The following ARID3A variants were observed in gnomAD, a reference collection of about 807,000 sequenced individuals.
The protein encoded by ARID3A is AT-rich interaction domain 3A.
A neutral mutation model predicts 52.7 loss-of-function variants in ARID3A; 11 were observed. The ratio of observed to expected loss-of-function variants is 0.21; its 90% CI spans 0.13 to 0.35. ARID3A has a LOEUF of 0.35. Among genes scored for constraint, ARID3A ranks in the 10% least tolerant of loss-of-function variants. The pLI, the probability that ARID3A is intolerant of heterozygous loss-of-function variation, is 1.00. For missense variants in ARID3A, 721 were observed against 838.5 expected, an observed-to-expected ratio of 0.86 and a Z score of 1.73; for synonymous variants, 404 against 359.4, an observed-to-expected ratio of 1.12 and a Z score of -1.40.
chr19:947,158 G>C lies in ARID3A; in HGVS notation c.694-12934G>C, dbSNP rs1323624797. Among the ~76,000 whole-genome samples, 1 of 152,198 alleles carries C rather than the reference G, an allele frequency of 6.6e-6. No homozygotes were observed. Among genetic ancestry groups the C allele is most frequent in the African/African-American group, 2.4e-5 (1 of 41,494 alleles). On this transcript the variant is annotated intron_variant, in intron 3 of 8. Transcript: ENST00000263620. This position sits in a 1 kb window ranked among gnomAD's most constrained non-coding sequence, Gnocchi z 6.3. ...CCCCATTGCTGGGCACCGTGGGGTGGGGTGTGTCTGTGTGTGGCCTGGGGC... is the reference window on the plus strand; with the variant it reads ...CCCCATTGCTGGGCACCGTGGGGTGCGGTGTGTCTGTGTGTGGCCTGGGGC...
At chr19:926,509 A>G (rs1426977975) in intron 1 of ARID3A, among the ~76,000 whole-genome samples, 2 of 151,154 alleles carry the variant, frequency 1.3e-5, no homozygotes, top group Non-Finnish European at 3.0e-5. Flanking sequence ...CTGCACCCCG[A>G]TATTTTATTT....
chr19:973,484 C>G lies in ARID3A; in HGVS notation c.*1419C>G, dbSNP rs894131803. 2.3e-5 allele frequency: 5 copies of G among 215,080 alleles called. No individual in the cohort carries two copies. The highest frequency in any genetic ancestry group is 4.5e-5 in the African/African-American group (2 of 44,128). The allele number at this position is 215,080 out of a possible 1,614,324, so 13.3% of individuals were successfully genotyped here. On this transcript the variant is annotated 3_prime_UTR_variant, in exon 9 of 9. Transcript: ENST00000263620. ...CCTGGGGGGCGGGGGTGGTTCTTGT[C>G]GAAGCCCCCAGGCTCCTGTCTCAGG...
At chr19:967,130 A>G (rs993163011) in intron 7 of ARID3A, among the ~76,000 whole-genome samples, 2 of 152,044 alleles carry the variant, frequency 1.3e-5, no homozygotes, top group African/African-American at 2.4e-5. Flanking sequence ...GTGGCAGCGC[A>G]CCCCTGTAGT....
Position 941,902 on chromosome 19 carries a change from C to T in ARID3A, c.693+9160C>T, listed in dbSNP as rs1356824837. The stretch of plus-strand genomic sequence containing the variant: ...TGCTTGGGCTCGCCACGTGTGCGCA[C>T]GTGTGCCCGTGACAGACGACCTTCC... On this transcript the variant is annotated intron_variant, in intron 3 of 8. Transcript: ENST00000263620. This position sits in a 1 kb window ranked among gnomAD's most constrained non-coding sequence, Gnocchi z 6.9. Among the ~76,000 whole-genome samples the T allele has an allele frequency of 6.6e-6, 1 of 151,976 alleles. No homozygotes were observed. The highest frequency in any genetic ancestry group is 1.5e-5 in the Non-Finnish European group (1 of 68,002).
At chr19:969,832 G>A (rs1203818052) in intron 8 of ARID3A, among the ~76,000 whole-genome samples, 2 of 149,716 alleles carry the variant, frequency 1.3e-5, no homozygotes, top group Non-Finnish European at 2.9e-5. Context: ...GGGACTACAG[G>A]CGTGTGTCAC....
chr19:960,287 C>T lies in ARID3A; in HGVS notation c.766+123C>T, dbSNP rs890983419. ...ACCCCGTGGCTGGAGGCATCCAAGG[C>T]TCCTAAATCGGGAGGGACTTCAGGG... On this transcript the variant is annotated intron_variant, in intron 4 of 8. Transcript: ENST00000263620. This position sits in a 1 kb window ranked among gnomAD's most constrained non-coding sequence, Gnocchi z 4.3. 2 of 830,056 alleles carry T rather than the reference C, an allele frequency of 2.4e-6. No individual in the cohort carries two copies. The highest frequency in any genetic ancestry group is 3.6e-6 in the Non-Finnish European group (2 of 553,078). 51.4% of individuals were successfully genotyped at this position (830,056 alleles called of 1,614,324 possible). A position where few individuals can be genotyped will look rare whatever the true frequency, so the allele number is the denominator to read the frequency against.
At chr19:932,293 C>G in intron 2 of ARID3A, 125 bp from the exon 3 acceptor site, 1 of 1,523,504 alleles carries the variant, frequency 6.6e-7, no homozygotes, top group Non-Finnish European at 8.8e-7. Context: ...GCAGTCTGAG[C>G]TGGCGGCGGC....
Position 941,350 on chromosome 19 carries a change from C to T in ARID3A, c.693+8608C>T, listed in dbSNP as rs2037551056. The stretch of plus-strand genomic sequence containing the variant: ...TCCAGACACAGCATCTTCGGACCCT[C>T]CAAGGCCTCTGCCCACCGGGCACCT... On this transcript the variant is annotated intron_variant, in intron 3 of 8. Transcript: ENST00000263620. This position sits in a 1 kb window ranked among gnomAD's most constrained non-coding sequence, Gnocchi z 6.9. 6.6e-6 allele frequency among the ~76,000 whole-genome samples: 1 copy of T among 152,210 alleles called. No individual in the cohort carries two copies. The highest frequency in any genetic ancestry group is 2.4e-5 in the African/African-American group (1 of 41,460).
Position 974,495 on chromosome 19 carries a change from G to A in ARID3A, c.*2430G>A, listed in dbSNP as rs1387636184. On this transcript the variant is annotated 3_prime_UTR_variant, in exon 9 of 9. Transcript: ENST00000263620. ...CCCCCGTCCCACGCCTGGGCCCCGC[G>A]CCGGGGGAAGCGCCTGCTGCCTATC... is the stretch of plus-strand genomic sequence containing the variant. 2 of 230,642 alleles carry A rather than the reference G, an allele frequency of 8.7e-6. No individual in the cohort carries two copies. The highest frequency in any genetic ancestry group is 1.7e-5 in the Non-Finnish European group (2 of 116,446). The allele number at this position is 230,642 out of a possible 1,614,324, so 14.3% of individuals were successfully genotyped here.
chr19:933,724 G>A (rs777810777), intron 3 of ARID3A, among the ~76,000 whole-genome samples: 15 of 152,146 alleles, frequency 9.9e-5, no homozygotes, highest in East Asian at 7.7e-4. Context: ...CTTAAGGGGC[G>A]GCCCTAACCC....
intron 3 of ARID3A, among the ~76,000 whole-genome samples, chr19:951,925 C>T (rs534431382): frequency 2.4e-4 from 37 of 151,878 alleles, no homozygotes; most frequent in Admixed American, 1.0e-3. Context: ...GGCCTGAGGT[C>T]AGGAGTTCAA....
chr19:973,086 C>G lies in ARID3A; in HGVS notation c.*1021C>G, dbSNP rs983205542. 7.4e-5 allele frequency: 6 copies of G among 81,148 alleles called. No individual in the cohort carries two copies. The highest frequency in any genetic ancestry group is 2.6e-4 in the African/African-American group (6 of 22,704). 5.0% of individuals were successfully genotyped at this position (81,148 alleles called of 1,614,324 possible). ...GTGCCGTGCTTGTCTGCTGGGCTCT[C>G]GAGTCAGGGGCCTGGAAATTTTTTT... On this transcript the variant is annotated 3_prime_UTR_variant, in exon 9 of 9. Transcript: ENST00000263620.
chr19:964,899 G>A lies in ARID3A; in HGVS notation c.1017G>A (p.Gln339=). The A allele has an allele frequency of 6.2e-7, 1 of 1,613,974 alleles. No homozygotes were observed. Among genetic ancestry groups the A allele is most frequent in the Non-Finnish European group, 8.5e-7 (1 of 1,180,020 alleles). ...GCCTCAGTAACCCCAATGAGCTCCAGGCAGCCATAGACAGCAACCGACGGG... is the reference window on the plus strand; with the variant it reads ...GCCTCAGTAACCCCAATGAGCTCCAAGCAGCCATAGACAGCAACCGACGGG... ...KRGLSNPNEL[Q]AAIDSNRREG... The change falls in exon 6 of 9, where the codon CAG becomes CAA. Residue 339 remains glutamine (Q), a synonymous_variant. Transcript: ENST00000263620. This position sits in a 1 kb window ranked among gnomAD's most constrained non-coding sequence, Gnocchi z 5.7.
At position 941,527 on chromosome 19, in the gene ARID3A, C is replaced by T. The variant is rs147885060; in HGVS notation, c.693+8785C>T. Among the ~76,000 whole-genome samples the T allele has an allele frequency of 1.7e-4, 26 of 152,316 alleles. No individual in the cohort carries two copies. The highest frequency in any genetic ancestry group is 3.7e-4 in the Non-Finnish European group (25 of 68,026). ...GCAAACTTCCCACGTCCCTGTTTTG[C>T]GTGGACCTGTTGGTGAGTGTGTCCA... On this transcript the variant is annotated intron_variant, in intron 3 of 8. Coordinates refer to ENST00000263620, the MANE Select transcript of ARID3A (RefSeq NM_005224.3). This position sits in a 1 kb window ranked among gnomAD's most constrained non-coding sequence, Gnocchi z 6.9.
In ARID3A at chr19:938,884, T is replaced by G. The variant is rs1176306264; in HGVS notation, c.693+6142T>G. ...TTTTTGGTCTTTTCAGCTCATTTGT[T>G]TTTTTTAATTGTGGAAAATACACAT... On this transcript the variant is annotated intron_variant, in intron 3 of 8. Coordinates refer to ENST00000263620, the MANE Select transcript of ARID3A (RefSeq NM_005224.3). The surrounding 1 kb of genome is among the most constrained non-coding windows in gnomAD (Gnocchi z 4.0). Among the ~76,000 whole-genome samples, 1 of 151,946 alleles carries G rather than the reference T, an allele frequency of 6.6e-6. No individual in the cohort carries two copies. The highest frequency in any genetic ancestry group is 2.4e-5 in the African/African-American group (1 of 41,412).
Position 944,314 on chromosome 19 carries a change from C to T in ARID3A, c.693+11572C>T, listed in dbSNP as rs1000730083. Among the ~76,000 whole-genome samples, 2 of 149,182 alleles carry T rather than the reference C, an allele frequency of 1.3e-5. No individual in the cohort carries two copies. Among genetic ancestry groups the T allele is most frequent in the African/African-American group, 5.0e-5 (2 of 40,046 alleles). ...CTCCCCGTGTGTCTGGCTGCAGGGG[C>T]GCGTCCAGGGGGTGTGTGTGTGTGT... On this transcript the variant is annotated intron_variant, in intron 3 of 8. Coordinates refer to ENST00000263620, the MANE Select transcript of ARID3A (RefSeq NM_005224.3). This position sits in a 1 kb window ranked among gnomAD's most constrained non-coding sequence, Gnocchi z 5.9.
chr19:949,709 C>T (rs1381593264), intron 3 of ARID3A, among the ~76,000 whole-genome samples: 4 of 146,008 alleles, frequency 2.7e-5, no homozygotes, highest in African/African-American at 1.0e-4. Flanking sequence ...TGGAGTCTCG[C>T]TCTGTCGCCC....
rs971017564 is a variant in ARID3A at position 938,499 on chromosome 19, G to A, written c.693+5757G>A. ...GTGTCAGAGCTGGAATTTGACCCCC[G>A]GGATGCACCTGCCAGAGAGGACCCA... On this transcript the variant is annotated intron_variant, in intron 3 of 8. Transcript: ENST00000263620. The surrounding 1 kb of genome is among the most constrained non-coding windows in gnomAD (Gnocchi z 4.0). Among the ~76,000 whole-genome samples the A allele has an allele frequency of 2.6e-5, 4 of 152,196 alleles. No homozygotes were observed. Among genetic ancestry groups the A allele is most frequent in the Admixed American group, 2.6e-4 (4 of 15,280 alleles).
At chr19:934,745 G>C (rs912210572) in intron 3 of ARID3A, among the ~76,000 whole-genome samples, 1 of 152,084 alleles carries the variant, frequency 6.6e-6, no homozygotes, top group African/African-American at 2.4e-5. Context: ...GGCAGCGGGG[G>C]TGGGGGGAGG....
Sources: gnomAD v4.1 joint callset for allele counts (sites outside exome capture counted in the v4.1 genomes callset) on GRCh38, gnomAD v4.1.1 for gene constraint, Gnocchi (gnomAD v3.1) non-coding constraint, MANE v1.5 for transcripts, NCBI Gene and HGNC (gene_info 2026-07-23, HGNC 2026-07-21) for gene names.